Variants in EIF3L observed in about 807,000 individuals in gnomAD.
EIF3L encodes eukaryotic translation initiation factor 3 subunit L.
In EIF3L, 32 loss-of-function variants were observed where a neutral mutation model predicts 74.6. That is an observed-to-expected ratio of 0.43 (90% CI 0.32 to 0.58). The LOEUF is 0.58. EIF3L is among the 20% of genes least tolerant of loss of function. The pLI, the probability that EIF3L is intolerant of heterozygous loss-of-function variation, is 0.06. For synonymous variants in EIF3L, 256 were observed against 254.4 expected (o/e 1.01, Z -0.06); for missense variants, 474 against 707.8 (o/e 0.67, Z 3.75).
chr22:37,851,210 G>C lies in EIF3L; in HGVS notation c.83-70G>C. On this transcript the variant is annotated intron_variant, in intron 2 of 12. Transcript: ENST00000652021. ...AGACCTGAGTTTAGTTTCTGGGGTG[G>C]TCTTGCCATTTCGTTCTATCATATA... The C allele has an allele frequency of 4.4e-6, 6 of 1,354,564 alleles. No individual in the cohort carries two copies. In the East Asian group the frequency reaches 1.4e-4, roughly 31 times the overall value. The allele number at this position is 1,354,564 out of a possible 1,614,324, so 83.9% of individuals were successfully genotyped here. A position where few individuals can be genotyped will look rare whatever the true frequency, so the allele number is the denominator to read the frequency against.
Position 37,858,274 on chromosome 22 carries a change from C to A in EIF3L, c.374-405C>A, listed in dbSNP as rs140489757. Among the ~76,000 whole-genome samples, 20 of 111,468 alleles carry A rather than the reference C, an allele frequency of 1.8e-4. No individual in the cohort carries two copies. The East Asian group carries it at 6.3e-3, about 35-fold the overall frequency. 73.1% of individuals were successfully genotyped at this position (111,468 alleles called of 152,430 possible). ...TGGGGGTCTCACTGTGTTGCCCATGCTGGAGTGTAGTGTGATAATGGCTGA... is the reference window on the plus strand; with the variant it reads ...TGGGGGTCTCACTGTGTTGCCCATGATGGAGTGTAGTGTGATAATGGCTGA... On this transcript the variant is annotated intron_variant, in intron 4 of 12. Coordinates refer to ENST00000652021, the MANE Select transcript of EIF3L (RefSeq NM_016091.4).
chr22:37,861,038 C>G (rs1404687079), intron 5 of EIF3L, among the ~76,000 whole-genome samples: 1 of 152,178 alleles, frequency 6.6e-6, no homozygotes, highest in Non-Finnish European at 1.5e-5. Context: ...GAGGGAGTTT[C>G]TTAATCTACT....
chr22:37,876,274 C>T (rs1373064822), intron 10 of EIF3L: 2 of 343,448 alleles, frequency 5.8e-6, no homozygotes, highest in Non-Finnish European at 1.1e-5. Context: ...GGCTTAAAGG[C>T]GCACACAACA....
intron 5 of EIF3L, 147 bp downstream of exon 5, chr22:37,858,887 G>A: frequency 1.4e-6 from 1 of 718,516 alleles, no homozygotes; most frequent in Non-Finnish European, 2.3e-6. Flanking sequence ...AGCGGTGGAA[G>A]GAACAGTTTA....
In EIF3L at chr22:37,858,521, G is replaced by A. The variant is rs1456968710; in HGVS notation, c.374-158G>A. On this transcript the variant is annotated intron_variant, in intron 4 of 12. Coordinates refer to ENST00000652021, the MANE Select transcript of EIF3L (RefSeq NM_016091.4). ...AGGTTGATGGAGTCAAATGAGAAGT[G>A]GATTTTCTCATTGCATGTATTCTTG... The A allele has an allele frequency of 7.2e-6, 5 of 693,612 alleles. No homozygotes were observed. The East Asian group carries it at 1.3e-4, about 18-fold the overall frequency. 43.0% of individuals were successfully genotyped at this position (693,612 alleles called of 1,614,324 possible).
At position 37,851,248 on chromosome 22, in the gene EIF3L, C is replaced by T. The variant is rs770418028; in HGVS notation, c.83-32C>T. On this transcript the variant is annotated intron_variant, in intron 2 of 12. Transcript: ENST00000652021. ...GTTCTATCATATATGTGGGTTTGAG[C>T]ATACTCTGTATTTGTTGTATCCAAC... 23 of 1,594,584 alleles carry T rather than the reference C, an allele frequency of 1.4e-5. 2 individuals are homozygous for T. The South Asian group carries it at 2.6e-4, about 18-fold the overall frequency.
chr22:37,859,374 C>CTTTTTTTTTTTTTTTTTTTTTT (rs34020382), intron 5 of EIF3L, among the ~76,000 whole-genome samples: 3 of 79,144 alleles, frequency 3.8e-5, no homozygotes, highest in South Asian at 5.0e-4. Context: ...CGTGAAGTTT[C>CTTTTTTTTTTTTTTTTTTTTTT]TTTTTTTTTT....
chr22:37,855,462 T>G, intron 3 of EIF3L, 103 bp from the exon 4 acceptor site: 2 of 1,026,650 alleles, frequency 1.9e-6, no homozygotes, highest in South Asian at 1.4e-5. Flanking sequence ...TCTGTTTATT[T>G]GACATCTTCC....
At chr22:37,852,631 T>C (rs1487446276) in intron 3 of EIF3L, among the ~76,000 whole-genome samples, 1 of 152,070 alleles carries the variant, frequency 6.6e-6, no homozygotes, top group East Asian at 1.9e-4. Flanking sequence ...TCTTTTTTTG[T>C]TGTTTTGAAA....
rs1486185552 is a variant in EIF3L at position 37,878,434 on chromosome 22, A to C, written c.1575+263A>C. On this transcript the variant is annotated intron_variant, in intron 11 of 12. Transcript: ENST00000652021. ...TTCTCTATTAAAAAAAAAAAAAAAA[A>C]AACACAAGAGATAAACAATAGATGG... 1.4e-5 allele frequency: 4 copies of C among 294,188 alleles called. No individual in the cohort carries two copies. In the Admixed American group the frequency reaches 1.4e-4, roughly 10 times the overall value. The allele number at this position is 294,188 out of a possible 1,614,324, so 18.2% of individuals were successfully genotyped here.
chr22:37,854,742 C>T (rs939573823), intron 3 of EIF3L, among the ~76,000 whole-genome samples: 5 of 152,208 alleles, frequency 3.3e-5, no homozygotes, highest in South Asian at 2.1e-4. Context: ...GTTGAGATTA[C>T]GGGTGTGAGC....
intron 4 of EIF3L, among the ~76,000 whole-genome samples, chr22:37,857,909 G>A (rs1925620446): frequency 6.6e-6 from 1 of 152,070 alleles, no homozygotes; most frequent in South Asian, 2.1e-4. Context: ...GTAGCTCACG[G>A]CTGTAATTCT....
chr22:37,857,652 C>A (rs1925606031), intron 4 of EIF3L, among the ~76,000 whole-genome samples: 1 of 151,870 alleles, frequency 6.6e-6, no homozygotes, highest in African/African-American at 2.4e-5. Context: ...TCAAGCAATT[C>A]TCCTGCCTCA....
chr22:37,875,952 C>A lies in EIF3L; in HGVS notation c.1018C>A (p.Leu340Ile). Residue 340 changes from leucine to isoleucine, a missense_variant, in exon 10 of 13, where the codon CTC (leucine) becomes ATC (isoleucine). Coordinates refer to ENST00000652021, the MANE Select transcript of EIF3L (RefSeq NM_016091.4). Reference sequence around the variant, plus strand: ...TGCCATCCGGGTCTTCGCCAACATCCTCCTCTACATCCAGAGGACCAAGAG... The same window carrying A: ...TGCCATCCGGGTCTTCGCCAACATCATCCTCTACATCCAGAGGACCAAGAG... The part of the protein sequence containing the change: ...QDAIRVFANI[L>I]LYIQRTKSMF... The A allele has an allele frequency of 1.2e-6, 2 of 1,614,106 alleles. No individual in the cohort carries two copies. The highest frequency in any genetic ancestry group is 1.7e-6 in the Non-Finnish European group (2 of 1,180,016).
intron 7 of EIF3L, among the ~76,000 whole-genome samples, chr22:37,869,224 G>A (rs1009177658): frequency 6.6e-6 from 1 of 152,180 alleles, no homozygotes; most frequent in Non-Finnish European, 1.5e-5. Flanking sequence ...CGCCTCCTGG[G>A]CTCAGGCAAA....
At position 37,888,468 on chromosome 22, in the gene EIF3L, T is replaced by TA. The variant is rs2145850473; in HGVS notation, c.*5dup. 3 of 1,613,626 alleles carry TA rather than the reference T, an allele frequency of 1.9e-6. No individual in the cohort carries two copies. In the East Asian group the frequency reaches 6.7e-5, roughly 36 times the overall value. On this transcript the variant is annotated 3_prime_UTR_variant, in exon 13 of 13. Transcript: ENST00000652021. Reference sequence around the variant, plus strand: ...GAAGATGGGACAGAGACCTTGATGATATTCACACACATTCAGGAACCTGTT... The same window carrying TA: ...GAAGATGGGACAGAGACCTTGATGATAATTCACACACATTCAGGAACCTGTT...
intron 11 of EIF3L, chr22:37,879,783 A>G (rs1412654503): frequency 6.6e-6 from 1 of 150,592 alleles, no homozygotes; most frequent in Non-Finnish European, 1.5e-5. Context: ...CTCATTGGCC[A>G]TACTGCCACT....
rs762848768 is a variant in EIF3L, at chr22:37,851,445, T to C, written c.248T>C (p.Val83Ala). ...ELQASRVSSD[V>A]IDQKVYEIQD... ...CAGGCCAGTCGTGTCTCCAGTGATG[T>C]CATTGACCAGAAGGTGTATGAGATC... Residue 83 changes from valine to alanine, a missense_variant, in exon 3 of 13, where the codon GTC becomes GCC. By Grantham distance (64) the Val-to-Ala change is moderately conservative. This residue lies in a region of EIF3L where 141 missense variants were observed against 197.7 expected (regional missense o/e 0.71). Coordinates refer to ENST00000652021, the MANE Select transcript of EIF3L (RefSeq NM_016091.4). 1.9e-6 allele frequency: 3 copies of C among 1,614,030 alleles called. No homozygotes were observed. The South Asian group carries it at 3.3e-5, about 18-fold the overall frequency.
chr22:37,876,295 A>ATTTTTTTT (rs146250173), intron 10 of EIF3L: 3 of 110,176 alleles, frequency 2.7e-5, no homozygotes, highest in African/African-American at 7.8e-5. Flanking sequence ...ACACCGGCTA[A>ATTTTTTTT]TTTTTTTTTT....
Sources: gnomAD v4.1 joint callset for allele counts (sites outside exome capture counted in the v4.1 genomes callset) on GRCh38, gnomAD v4.1.1 for gene constraint, gnomAD v4.1.1 regional missense constraint, MANE v1.5 for transcripts, NCBI Gene and HGNC (gene_info 2026-07-23, HGNC 2026-07-21) for gene names.